Variants in PLXNA4 observed in about 807,000 individuals in gnomAD.
The protein encoded by PLXNA4 is plexin A4.
A neutral mutation model predicts 191.8 loss-of-function variants in PLXNA4; 44 were observed. That is an observed-to-expected ratio of 0.23 (90% confidence interval 0.18 to 0.29). The LOEUF (loss-of-function observed/expected upper bound fraction) is 0.29. Among genes scored for constraint, PLXNA4 ranks in the 10% least tolerant of loss-of-function variants. The pLI is 1.00. For synonymous variants in PLXNA4, 1,082 were observed against 1,009.5 expected, an observed-to-expected ratio of 1.07 and a Z score of -1.36; for missense variants, 1,800 against 2,488.8, an observed-to-expected ratio of 0.72 and a Z score of 5.89.
chr7:132,165,336 G>A (rs182945853), intron 22 of PLXNA4, 136 bp from the exon 23 acceptor site: 90 of 1,306,390 alleles, frequency 6.9e-5, no homozygotes, highest in African/African-American at 1.5e-4. Context: ...CAAACCTTGC[G>A]ATCCTAATGA....
intron 1 of PLXNA4, among the ~76,000 whole-genome samples, chr7:132,563,259 T>C (rs1174262587): frequency 1.2e-3 from 84 of 70,694 alleles, no homozygotes; most frequent in African/African-American, 1.4e-3. Context: ...TCCTACTCCT[T>C]CTCCTCTTCA....
intron 3 of PLXNA4, among the ~76,000 whole-genome samples, chr7:132,373,111 G>T (rs10224362): frequency 6.6e-6 from 1 of 151,988 alleles, no homozygotes; most frequent in Non-Finnish European, 1.5e-5. Context: ...CATTTTGCAC[G>T]GGCACTAATT....
At chr7:132,472,069 T>A (rs896007532) in intron 3 of PLXNA4, among the ~76,000 whole-genome samples, 1 of 152,222 alleles carries the variant, frequency 6.6e-6, no homozygotes, top group African/African-American at 2.4e-5. Context: ...CTGTAAAGTT[T>A]GCTTGTAACC....
intron 1 of PLXNA4, among the ~76,000 whole-genome samples, chr7:132,565,418 A>C (rs1427113590): frequency 6.6e-6 from 1 of 152,198 alleles, no homozygotes; most frequent in Non-Finnish European, 1.5e-5. Flanking sequence ...TGGAAAAACC[A>C]CAGCCACATT....
rs553251489 is a variant in PLXNA4 at position 132,598,039 on chromosome 7, G to A, written c.-87+47889C>T. ...AGGAGTGGAATTTCTGTGTCATATG[G>A]TTAACAAATATGTGTGACTAACTTG... On this transcript the variant is annotated intron_variant, in intron 2 of 4. Transcript: ENST00000378539. Among the ~76,000 whole-genome samples the A allele has an allele frequency of 2.0e-5, 3 of 152,238 alleles. No homozygotes were observed. In the South Asian group the frequency reaches 6.2e-4, roughly 32 times the overall value.
intron 20 of PLXNA4, among the ~76,000 whole-genome samples, chr7:132,179,021 C>G (rs1414803034): frequency 1.9e-5 from 2 of 106,438 alleles, no homozygotes; most frequent in Non-Finnish European, 3.5e-5. Context: ...TACACATATA[C>G]AGGCGCGCGC....
At position 132,261,229 on chromosome 7, in the gene PLXNA4, G is replaced by A. The variant is rs200551499; in HGVS notation, c.1504-20063C>T. On this transcript the variant is annotated intron_variant, in intron 4 of 31. Coordinates refer to ENST00000321063, the MANE Select transcript of PLXNA4 (RefSeq NM_020911.2). ...ACTGGGGCTGCTGCAAAGGCTGAGGGACCCAATGTGGAGAGCCAAGGTTGG... is the reference window on the plus strand; with the variant it reads ...ACTGGGGCTGCTGCAAAGGCTGAGGAACCCAATGTGGAGAGCCAAGGTTGG... 9.2e-5 allele frequency among the ~76,000 whole-genome samples: 14 copies of A among 152,316 alleles called. No homozygotes were observed. In the East Asian group the frequency reaches 2.7e-3, roughly 29 times the overall value.
chr7:132,353,113 T>G (rs1803558562), intron 3 of PLXNA4, among the ~76,000 whole-genome samples: 1 of 152,230 alleles, frequency 6.6e-6, no homozygotes, highest in Non-Finnish European at 1.5e-5. Flanking sequence ...TTAGCTCTTC[T>G]GCCAGAGCCA....
rs539096440 is a variant in PLXNA4 at position 132,130,279 on chromosome 7, C to G, written c.*200G>C. The G allele has an allele frequency of 1.1e-5, 8 of 719,530 alleles. No homozygotes were observed. The African/African-American group carries it at 1.4e-4, about 13-fold the overall frequency. 44.6% of individuals were successfully genotyped at this position (719,530 alleles called of 1,614,324 possible). On this transcript the variant is annotated 3_prime_UTR_variant, in exon 32 of 32. Coordinates refer to ENST00000321063, the MANE Select transcript of PLXNA4 (RefSeq NM_020911.2). Reference sequence around the variant, plus strand: ...CTGAGGGTCAGTGGCTTGGTCCAATCGTGTTGGCAGAGCAACTGGAAGAGA... The same window carrying G: ...CTGAGGGTCAGTGGCTTGGTCCAATGGTGTTGGCAGAGCAACTGGAAGAGA...
rs761861262 is a variant in PLXNA4 at position 132,241,108 on chromosome 7, C to A, written c.1562G>T (p.Gly521Val). Residue 521 changes from glycine to valine, a missense_variant, in exon 5 of 32, where the codon GGC (glycine) becomes GTC (valine). Around this residue, in one of 6 missense-constraint regions of PLXNA4, gnomAD observed 1,397 missense variants for 1,880.4 expected, o/e 0.74. Coordinates refer to ENST00000321063, the MANE Select transcript of PLXNA4 (RefSeq NM_020911.2). ...CCAGCCACAGTGGGGGTCGCCTGAG[C>A]CAAGGCACTCGCCGCAGCTCTGATA... ...GQYQSCGECL[G>V]SGDPHCGWCV... The A allele has an allele frequency of 1.2e-6, 2 of 1,613,288 alleles. No homozygotes were observed. Among genetic ancestry groups the A allele is most frequent in the South Asian group, 2.2e-5 (2 of 90,944 alleles).
At chr7:132,266,539 A>G (rs1016128763) in intron 4 of PLXNA4, among the ~76,000 whole-genome samples, 2 of 152,166 alleles carry the variant, frequency 1.3e-5, no homozygotes, top group African/African-American at 4.8e-5. Context: ...TTTCCTTTTA[A>G]TCTATCTCTC....
At position 132,314,058 on chromosome 7, in the gene PLXNA4, T is replaced by C. The variant is rs73448329; in HGVS notation, c.1372-15836A>G. Among the ~76,000 whole-genome samples the C allele has an allele frequency of 8.9e-3, 1,358 of 152,166 alleles. 21 individuals carry two copies. The highest frequency in any genetic ancestry group is 0.031 in the African/African-American group (1,270 of 41,524). On this transcript the variant is annotated intron_variant, in intron 3 of 31. Coordinates refer to ENST00000321063, the MANE Select transcript of PLXNA4 (RefSeq NM_020911.2). The stretch of plus-strand genomic sequence containing the variant: ...AATAGGCTCCATGCATGACCCAACA[T>C]AAACTTGCAAATGAATAGGCAGTCA...
At chr7:132,475,576 G>T (rs768877347) in intron 3 of PLXNA4, among the ~76,000 whole-genome samples, 42 of 152,128 alleles carry the variant, frequency 2.8e-4, no homozygotes, top group Middle Eastern at 3.4e-3. Flanking sequence ...CACAGGTCAA[G>T]GGAGAAATAA....
At chr7:132,517,585 G>T (rs1312072277) in intron 1 of PLXNA4, among the ~76,000 whole-genome samples, 1 of 152,162 alleles carries the variant, frequency 6.6e-6, no homozygotes, top group Non-Finnish European at 1.5e-5. Context: ...ACGTAATGCT[G>T]GGGGGCTCCA....
upstream of PLXNA4, among the ~76,000 whole-genome samples, chr7:132,579,739 A>G (rs896472464): frequency 1.3e-5 from 2 of 152,046 alleles, no homozygotes; most frequent in Non-Finnish European, 2.9e-5. Flanking sequence ...CCCGTTGTTA[A>G]TGGGGCCAGG....
chr7:132,136,037 C>T (rs1464661158), intron 30 of PLXNA4, among the ~76,000 whole-genome samples: 6 of 152,106 alleles, frequency 3.9e-5, no homozygotes, highest in Admixed American at 3.9e-4. Flanking sequence ...GTTTTTGATC[C>T]TAAGCCTGCC....
At chr7:132,561,834 G>T (rs1171454284) in intron 1 of PLXNA4, among the ~76,000 whole-genome samples, 236 of 41,110 alleles carry the variant, frequency 5.7e-3, no homozygotes, top group Middle Eastern at 0.043. Flanking sequence ...CTTCTCCTCC[G>T]CCTCCTTCTC....
chr7:132,557,131 G>A (rs1585330028), intron 1 of PLXNA4, among the ~76,000 whole-genome samples: 1 of 152,210 alleles, frequency 6.6e-6, no homozygotes, highest in Non-Finnish European at 1.5e-5. Context: ...CCTGCCACAT[G>A]AATGAATTTT....
intron 3 of PLXNA4, among the ~76,000 whole-genome samples, chr7:132,339,684 C>G (rs1802950215): frequency 6.6e-6 from 1 of 152,140 alleles, no homozygotes; most frequent in South Asian, 2.1e-4. Flanking sequence ...CTTGCCCCAC[C>G]CTGGATACAA....
Sources: allele counts gnomAD v4.1 joint callset (sites outside exome capture counted in the v4.1 genomes callset), GRCh38; gene constraint gnomAD v4.1.1; regional missense constraint gnomAD v4.1.1; transcripts MANE v1.5; gene names NCBI Gene and HGNC (gene_info 2026-07-23, HGNC 2026-07-21).